Variants in RANBP2 observed in about 807,000 individuals in gnomAD.
The protein encoded by RANBP2 is RAN binding protein 2.
RANBP2 carries 57 observed loss-of-function variants against 303.6 expected under a neutral mutation model. That is an observed-to-expected ratio of 0.19 (90% CI 0.15 to 0.23). RANBP2 has a LOEUF of 0.23. Among genes scored for constraint, RANBP2 ranks in the 10% least tolerant of loss-of-function variants. The pLI, the probability that RANBP2 is intolerant of heterozygous loss-of-function variation, is 1.00. For synonymous variants in RANBP2, 1,167 were observed against 1,301.5 expected, an observed-to-expected ratio of 0.90 and a Z score of 2.23; for missense variants, 3,138 against 3,780.8, an observed-to-expected ratio of 0.83 and a Z score of 4.46.
the RANBP2 span, chr2:109,544,049 G>T: frequency 1.8e-6 from 2 of 1,098,856 alleles, no homozygotes; most frequent in African/African-American, 1.6e-5. Flanking sequence ...GGTCAAGTCA[G>T]TGCTCAAAAA....
rs1305507378 is a variant in RANBP2 at position 108,754,984 on chromosome 2, C to T, written c.2282C>T (p.Pro761Leu). 1 of 1,611,714 alleles carries T rather than the reference C, an allele frequency of 6.2e-7. No homozygotes were observed. The highest frequency in any genetic ancestry group is 1.7e-5 in the Admixed American group (1 of 59,986). Residue 761 changes from proline (P) to leucine (L), a missense_variant, in exon 16 of 29, where the codon CCT becomes CTT. Physicochemically the swap from Pro to Leu is moderately conservative, Grantham distance 98. Transcript: ENST00000283195. ...QELEDYSEGG[P>L]LYKNGSLRNA... is the part of the protein sequence containing the mutation. ...CTCGAAGACTATAGTGAAGGAGGTC[C>T]TCTCTATAAAAATGGTTCTTTGCGA... is the stretch of plus-strand genomic sequence containing the variant.
the RANBP2 span, among the ~76,000 whole-genome samples, chr2:109,367,224 A>G: frequency 1.3e-5 from 2 of 151,114 alleles, no homozygotes; most frequent in African/African-American, 2.4e-5. Flanking sequence ...TCGGCCTACC[A>G]AAGAACTGGG....
chr2:109,643,210 C>A, the RANBP2 span, among the ~76,000 whole-genome samples: 1 of 151,076 alleles, frequency 6.6e-6, no homozygotes, highest in Non-Finnish European at 1.5e-5. Flanking sequence ...AAAAAAAGAT[C>A]ATCTCCCAAC....
the RANBP2 span, among the ~76,000 whole-genome samples, chr2:109,253,039 T>A: frequency 2.6e-4 from 40 of 152,118 alleles, no homozygotes; most frequent in Admixed American, 9.2e-4. Flanking sequence ...TCTTTTTTTT[T>A]ATTTAAGAGC....
chr2:108,830,000 AAAG>A, the RANBP2 span, among the ~76,000 whole-genome samples: 9,532 of 152,178 alleles, frequency 0.063, 967 homozygotes, highest in African/African-American at 0.21. Flanking sequence ...TATATAATAA[AAAG>A]AAGGTGGACA....
chr2:108,752,617 C>CAAAAA (rs1247816984), intron 12 of RANBP2, among the ~76,000 whole-genome samples: 5 of 40,668 alleles, frequency 1.2e-4, no homozygotes, highest in African/African-American at 2.0e-4. Context: ...ACTAAAAATA[C>CAAAAA]AAAAAAAAAA....
the RANBP2 span, among the ~76,000 whole-genome samples, chr2:108,801,809 G>T: frequency 9.8e-5 from 2 of 20,310 alleles, no homozygotes; most frequent in Non-Finnish European, 3.0e-4. Context: ...TTTTGTATAA[G>T]GTGTAAGGAA....
chr2:108,929,270 C>T, the RANBP2 span: 1 of 1,614,174 alleles, frequency 6.2e-7, no homozygotes, highest in Non-Finnish European at 8.5e-7. Context: ...CCGGAAGAAG[C>T]CCTCACAGTC....
chr2:108,889,884 G>A, the RANBP2 span, among the ~76,000 whole-genome samples: 4 of 151,984 alleles, frequency 2.6e-5, no homozygotes, highest in South Asian at 8.3e-4. Context: ...GTGGTTGGTG[G>A]GTTTCTATAG....
At chr2:109,020,284 A>G in the RANBP2 span, among the ~76,000 whole-genome samples, 7 of 152,174 alleles carry the variant, frequency 4.6e-5, no homozygotes, top group African/African-American at 1.4e-4. Context: ...ACTGGCCATT[A>G]AAGGGAGCTC....
At chr2:108,794,438 T>A in the RANBP2 span, 2 of 1,066,138 alleles carry the variant, frequency 1.9e-6, no homozygotes, top group Non-Finnish European at 2.6e-6. Context: ...CTTTTTAATG[T>A]TATATTTTGT....
chr2:109,501,874 G>C, the RANBP2 span: 1 of 553,060 alleles, frequency 1.8e-6, no homozygotes, highest in South Asian at 2.5e-5. Flanking sequence ...AGCACACCTG[G>C]GATGTTCTTC....
the RANBP2 span, among the ~76,000 whole-genome samples, chr2:109,358,303 A>C: frequency 6.6e-6 from 1 of 152,180 alleles, no homozygotes; most frequent in Non-Finnish European, 1.5e-5. Context: ...CACCTACTAA[A>C]CGACATCTTG....
At chr2:109,613,893 C>A in the RANBP2 span, 1 of 1,200,070 alleles carries the variant, frequency 8.3e-7, no homozygotes. Context: ...GTCCCGGCGA[C>A]GGCGGCGGGA....
chr2:109,472,071 A>G, the RANBP2 span, among the ~76,000 whole-genome samples: 1 of 152,210 alleles, frequency 6.6e-6, no homozygotes, highest in Admixed American at 6.5e-5. Context: ...GCTTCTTTCA[A>G]ATTCCCATCC....
At chr2:108,780,803 G>C (rs1391961863) in intron 25 of RANBP2, among the ~76,000 whole-genome samples, 4 of 149,856 alleles carry the variant, frequency 2.7e-5, no homozygotes, top group Admixed American at 1.3e-4. Flanking sequence ...TCCGCCTCCT[G>C]GGTTCAAGCG....
Position 108,764,739 on chromosome 2 carries a change from C to T in RANBP2, c.4200C>T (p.Ser1400=). Residue 1400 remains serine (S), a synonymous_variant, in exon 20 of 29, where the codon AGC becomes AGT. Transcript: ENST00000283195. ...AAACTGTTTTTACTCCTAAAACCAG[C>T]CCAGAGAATGTTCAAGATCGATTTG... ...LAETVFTPKT[S]PENVQDRFAL... is the part of the protein sequence containing the mutation. 3 of 1,613,934 alleles carry T rather than the reference C, an allele frequency of 1.9e-6. No homozygotes were observed. The highest frequency in any genetic ancestry group is 2.5e-6 in the Non-Finnish European group (3 of 1,179,960).
the RANBP2 span, among the ~76,000 whole-genome samples, chr2:109,263,709 G>A: frequency 1.3e-5 from 2 of 152,300 alleles, no homozygotes; most frequent in African/African-American, 4.8e-5. Context: ...GCTCACGCCT[G>A]TAATCCCAGC....
At chr2:109,123,312 TTC>T in the RANBP2 span, among the ~76,000 whole-genome samples, 557 of 142,980 alleles carry the variant, frequency 3.9e-3, 2 homozygotes, top group Middle Eastern at 7.0e-3. Context: ...ACTGTGGCTT[TTC>T]TTTCTTTCCT....
Sources: allele counts gnomAD v4.1 joint callset (sites outside exome capture counted in the v4.1 genomes callset), GRCh38; gene constraint gnomAD v4.1.1; transcripts MANE v1.5; gene names NCBI Gene and HGNC (gene_info 2026-07-23, HGNC 2026-07-21).